MAP1B: variants seen among roughly 807,000 people sequenced by gnomAD.
MAP1B encodes microtubule associated protein 1B, also known as microtubule-associated protein 1B.
MAP1B carries 12 observed loss-of-function variants against 176.1 expected under a neutral mutation model. That is an observed-to-expected ratio of 0.07 (90% CI 0.04 to 0.11). The LOEUF (loss-of-function observed/expected upper bound fraction) is 0.11. Among genes scored for constraint, MAP1B ranks in the 10% least tolerant of loss-of-function variants. The probability of loss-of-function intolerance (pLI) is 1.00; values close to 1 mark genes in which losing one functional copy is unlikely to be tolerated. For synonymous variants in MAP1B, 1,044 were observed against 1,135.0 expected, an observed-to-expected ratio of 0.92 and a Z score of 1.61; for missense variants, 2,523 against 2,990.5, an observed-to-expected ratio of 0.84 and a Z score of 3.65.
At chr5:72,200,410 T>G (rs1747306702) in intron 5 of MAP1B, 43 bp downstream of exon 5, 1 of 1,582,188 alleles carries the variant, frequency 6.3e-7, no homozygotes, top group African/African-American at 1.4e-5. Context: ...TCACAACCAT[T>G]CTACTTGCGT....
rs533759374 is a variant in MAP1B, at chr5:72,194,798, G to A, written c.1443G>A (p.Ala481=). ...SLIVWHPANP[A]EKIIRVLFPG... ...TTGTGTGGCATCCAGCAAACCCTGC[G>A]GAGAAAATCATCCGAGTCCTGTTTC... Residue 481 remains alanine, a synonymous_variant, in exon 5 of 7, where the codon GCG becomes GCA. Coordinates refer to ENST00000296755, the MANE Select transcript of MAP1B (RefSeq NM_005909.5). This position sits in a 1 kb window ranked among gnomAD's most constrained non-coding sequence, Gnocchi z 7.2. 4.6e-5 allele frequency: 75 copies of A among 1,614,124 alleles called. No homozygotes were observed. The highest frequency in any genetic ancestry group is 7.7e-5 in the South Asian group (7 of 91,080).
chr5:72,141,526 C>T (rs749893914), intron 2 of MAP1B, among the ~76,000 whole-genome samples: 3 of 152,212 alleles, frequency 2.0e-5, no homozygotes, highest in Non-Finnish European at 4.4e-5. Context: ...TCAGTAGCCT[C>T]GGAGTGACCT....
At chr5:72,123,266 T>C (rs1745563897) in intron 2 of MAP1B, among the ~76,000 whole-genome samples, 1 of 152,220 alleles carries the variant, frequency 6.6e-6, no homozygotes, top group Non-Finnish European at 1.5e-5. Flanking sequence ...ATTCACTGTG[T>C]TTCTCAACAA....
rs145760957 is a variant in MAP1B at position 72,110,233 on chromosome 5, A to G, written c.184+2518A>G. 7.1e-3 allele frequency among the ~76,000 whole-genome samples: 1,085 copies of G among 152,340 alleles called. 26 individuals are homozygous for G. Among genetic ancestry groups the G allele is most frequent in the Non-Finnish European group, 5.3e-3 (360 of 68,028 alleles). On this transcript the variant is annotated intron_variant, in intron 1 of 6. Transcript: ENST00000296755. ...AGCCCCCTTGTGTTCCCTTTGCAATAGACATCATGGCTTCCTGATTTTTTA... is the reference window on the plus strand; with the variant it reads ...AGCCCCCTTGTGTTCCCTTTGCAATGGACATCATGGCTTCCTGATTTTTTA...
At chr5:72,189,764 G>T (rs1011779919) in intron 4 of MAP1B, among the ~76,000 whole-genome samples, 1 of 152,106 alleles carries the variant, frequency 6.6e-6, no homozygotes, top group Non-Finnish European at 1.5e-5. Flanking sequence ...GGATGGGTAT[G>T]GGGGGAATTC....
In MAP1B at chr5:72,200,210, C is replaced by T. The variant is rs748677117; in HGVS notation, c.6855C>T (p.Ser2285=). Reference sequence around the variant, plus strand: ...TGAAAGAATCCTCGGATAAAGTGTCCAGGGTGGCTTCTCCTAAGAAGAAAG... The same window carrying T: ...TGAAAGAATCCTCGGATAAAGTGTCTAGGGTGGCTTCTCCTAAGAAGAAAG... ...AGLKESSDKV[S]RVASPKKKES... Residue 2285 remains serine (S), a synonymous_variant, in exon 5 of 7, where the codon TCC becomes TCT. Coordinates refer to ENST00000296755, the MANE Select transcript of MAP1B (RefSeq NM_005909.5). The T allele has an allele frequency of 2.4e-5, 38 of 1,614,056 alleles. No individual in the cohort carries two copies. The highest frequency in any genetic ancestry group is 3.2e-5 in the Non-Finnish European group (38 of 1,180,046).
Position 72,195,039 on chromosome 5 carries a change from A to C in MAP1B, c.1684A>C (p.Lys562Gln), listed in dbSNP as rs1281155994. ...LPSKSVRKES[K>Q]EETPEVTKVN... ...TAGCAAATCCGTGCGCAAGGAGTCA[A>C]AAGAAGAAACCCCTGAGGTCACAAA... The change falls in exon 5 of 7, where the codon AAA becomes CAA. Residue 562 changes from lysine to glutamine, a missense_variant. Lys to Gln is a moderately conservative substitution (Grantham distance 53, BLOSUM62 1). Around this residue, in one of 4 missense-constraint regions of MAP1B, gnomAD observed 1,925 missense variants for 2,126.0 expected, o/e 0.91. Coordinates refer to ENST00000296755, the MANE Select transcript of MAP1B (RefSeq NM_005909.5). 6.2e-7 allele frequency: 1 copy of C among 1,614,036 alleles called. No individual in the cohort carries two copies. The highest frequency in any genetic ancestry group is 1.3e-5 in the African/African-American group (1 of 74,930).
intron 5 of MAP1B, among the ~76,000 whole-genome samples, chr5:72,202,492 C>A (rs1341572484): frequency 6.6e-6 from 1 of 152,206 alleles, no homozygotes; most frequent in East Asian, 1.9e-4. Flanking sequence ...GGTTTTCAAT[C>A]TGGGATGATA....
chr5:72,169,359 G>T (rs552097560), intron 2 of MAP1B: 16 of 152,148 alleles, frequency 1.1e-4, no homozygotes, highest in Admixed American at 3.3e-4. Context: ...GATGGCCCAG[G>T]TGTATATTTT....
chr5:72,155,894 G>C (rs913636165), intron 2 of MAP1B, among the ~76,000 whole-genome samples: 1 of 150,962 alleles, frequency 6.6e-6, no homozygotes, highest in Non-Finnish European at 1.5e-5. Context: ...AGCCTCCCAA[G>C]TAGCTGGGAT....
At chr5:72,116,472 G>C (rs764079951) in intron 2 of MAP1B, 2 of 414,508 alleles carry the variant, frequency 4.8e-6, no homozygotes, top group South Asian at 3.6e-5. Flanking sequence ...GCAAAAATTT[G>C]TCATATGTGA....
At chr5:72,142,064 A>G (rs1745957870) in intron 2 of MAP1B, among the ~76,000 whole-genome samples, 1 of 152,126 alleles carries the variant, frequency 6.6e-6, no homozygotes, top group Admixed American at 6.5e-5. Flanking sequence ...CCCAGCCCCA[A>G]ATCCTAATAT....
At chr5:72,122,298 C>T (rs934387959) in intron 2 of MAP1B, among the ~76,000 whole-genome samples, 1 of 152,024 alleles carries the variant, frequency 6.6e-6, no homozygotes, top group Admixed American at 6.6e-5. Flanking sequence ...CCCAGTGCTC[C>T]CATTGAGACT....
At chr5:72,205,021 A>AT (rs1216048420) in intron 6 of MAP1B, 63 bp from the exon 7 acceptor site, 20 of 1,429,920 alleles carry the variant, frequency 1.4e-5, no homozygotes, top group African/African-American at 2.9e-5. Flanking sequence ...TTGCTATTCA[A>AT]TTTTTTTCAT....
At chr5:72,153,110 T>G (rs147110991) in intron 2 of MAP1B, among the ~76,000 whole-genome samples, 22 of 152,326 alleles carry the variant, frequency 1.4e-4, no homozygotes, top group Non-Finnish European at 2.4e-4. Flanking sequence ...TAGTCAAGTA[T>G]TTGCCGAGCC....
Position 72,198,266 on chromosome 5 carries a change from T to C in MAP1B, c.4911T>C (p.Asp1637=). The C allele has an allele frequency of 6.2e-7, 1 of 1,614,106 alleles. No individual in the cohort carries two copies. ...CAAAGTCCAGGACACCCGTTCAAGA[T>C]CACAGATCTGAACAGTCCTCAATGT... The part of the protein sequence containing the change: ...KTAKSRTPVQ[D]HRSEQSSMSI... Residue 1637 remains aspartate (D), a synonymous_variant, in exon 5 of 7, where the codon GAT becomes GAC. Transcript: ENST00000296755.
rs772209127 is a variant in MAP1B, at chr5:72,204,888, T to C, written c.7252-196T>C. The stretch of plus-strand genomic sequence containing the variant: ...AGCCTTCAGTTTCCCTTAGAAACAA[T>C]AGCTTTTCTTTGCAGCTTTATTCTG... On this transcript the variant is annotated intron_variant, in intron 6 of 6. Transcript: ENST00000296755. The surrounding 1 kb of genome is among the most constrained non-coding windows in gnomAD (Gnocchi z 4.4). Among the ~76,000 whole-genome samples the C allele has an allele frequency of 2.0e-4, 31 of 152,212 alleles. No homozygotes were observed. The highest frequency in any genetic ancestry group is 4.3e-4 in the Non-Finnish European group (29 of 68,020).
At chr5:72,203,930 TCA>T in intron 6 of MAP1B, 129 bp downstream of exon 6, 2 of 716,456 alleles carry the variant, frequency 2.8e-6, no homozygotes, top group East Asian at 2.6e-5. Context: ...CCTGTGTCTG[TCA>T]CACACGAAAT....
intron 2 of MAP1B, among the ~76,000 whole-genome samples, chr5:72,163,185 G>A (rs369565039): frequency 3.0e-5 from 4 of 133,934 alleles, no homozygotes; most frequent in East Asian, 4.3e-4. Flanking sequence ...CCAATATCAC[G>A]CCACTGAACT....
Sources: gnomAD v4.1 joint callset for allele counts (sites outside exome capture counted in the v4.1 genomes callset) on GRCh38, gnomAD v4.1.1 for gene constraint, gnomAD v4.1.1 regional missense constraint, Gnocchi (gnomAD v3.1) non-coding constraint, MANE v1.5 for transcripts, NCBI Gene and HGNC (gene_info 2026-07-23, HGNC 2026-07-21) for gene names.